Variants in CRB1 observed in about 807,000 individuals in gnomAD.
CRB1 encodes protein crumbs homolog 1.
A neutral mutation model predicts 120.0 loss-of-function variants in CRB1; 83 were observed. The observed-to-expected ratio is 0.69, with a 90% confidence interval of 0.58 to 0.83. The LOEUF (loss-of-function observed/expected upper bound fraction) is 0.83. Ranked by LOEUF, CRB1 falls within the 40% of genes least tolerant of loss-of-function variation. CRB1 has a pLI of 0.00. For synonymous variants in CRB1, 625 were observed against 612.5 expected (o/e 1.02, Z -0.30); for missense variants, 1,699 against 1,687.6 (o/e 1.01, Z -0.12).
intron 1 of CRB1, among the ~76,000 whole-genome samples, chr1:197,322,417 C>A (rs1428890703): frequency 6.6e-6 from 1 of 151,546 alleles, no homozygotes; most frequent in African/African-American, 2.4e-5. Context: ...GAGCCAAGAT[C>A]GCACCACTGC....
intron 3 of CRB1, among the ~76,000 whole-genome samples, chr1:197,345,255 A>G (rs1187268763): frequency 6.6e-6 from 1 of 152,174 alleles, no homozygotes; most frequent in African/African-American, 2.4e-5. Flanking sequence ...TGATTCTTCG[A>G]CAGCTCAGTG....
At chr1:197,202,969 G>GTGTGTGTGTGTGTC in the CRB1 span, among the ~76,000 whole-genome samples, 9 of 146,332 alleles carry the variant, frequency 6.2e-5, no homozygotes, top group African/African-American at 2.2e-4. Context: ...TGTGGTGTGT[G>GTGTGTGTGTGTGTC]TGTGTGTGTG....
chr1:197,416,909 C>T (rs186252316), intron 5 of CRB1, among the ~76,000 whole-genome samples: 20 of 152,204 alleles, frequency 1.3e-4, no homozygotes, highest in Non-Finnish European at 1.8e-4. Context: ...AGGGTTTCAC[C>T]ATATTGGTCA....
chr1:197,390,147 T>C (rs1475040269), intron 5 of CRB1, among the ~76,000 whole-genome samples: 1 of 115,600 alleles, frequency 8.7e-6, no homozygotes, highest in Non-Finnish European at 1.6e-5. Flanking sequence ...GAAAGAAGTA[T>C]AGGAAGAAGA....
intron 4 of CRB1, among the ~76,000 whole-genome samples, chr1:197,354,817 GCCCCCCCACCCCCCCCCCCCGCCCACCC>G (rs1660357311): frequency 5.1e-5 from 1 of 19,464 alleles, no homozygotes; most frequent in Non-Finnish European, 8.7e-5. Context: ...TCTGCCCCCC[GCCCCCCCACCCCCCCCCCCCGCCCACCC>G]CCCCCCCCCC....
chr1:197,239,030 A>G, the CRB1 span, among the ~76,000 whole-genome samples: 1 of 145,858 alleles, frequency 6.9e-6, no homozygotes, highest in African/African-American at 2.5e-5. Context: ...TGCATCTCTT[A>G]CTTACTCTTC....
chr1:197,249,514 T>C, the CRB1 span, among the ~76,000 whole-genome samples: 1 of 151,936 alleles, frequency 6.6e-6, no homozygotes, highest in Non-Finnish European at 1.5e-5. Flanking sequence ...GAATGATAAT[T>C]CATAATATGA....
At chr1:197,408,094 A>G (rs1353384285) in intron 5 of CRB1, among the ~76,000 whole-genome samples, 2 of 152,180 alleles carry the variant, frequency 1.3e-5, no homozygotes, top group Admixed American at 6.5e-5. Context: ...AAGAGTTACC[A>G]TGCAGTTGAG....
intron 1 of CRB1, among the ~76,000 whole-genome samples, chr1:197,277,786 G>C (rs1396761834): frequency 1.3e-5 from 2 of 151,710 alleles, no homozygotes; most frequent in East Asian, 3.9e-4. Flanking sequence ...AAACTTTCTA[G>C]GTCTCCAATT....
At chr1:197,413,054 C>T (rs1475145229) in intron 5 of CRB1, among the ~76,000 whole-genome samples, 1 of 152,094 alleles carries the variant, frequency 6.6e-6, no homozygotes, top group East Asian at 1.9e-4. Flanking sequence ...AAGGTCTCAA[C>T]CTAAAGGAAT....
At chr1:197,404,809 G>C (rs2125439586) in intron 5 of CRB1, among the ~76,000 whole-genome samples, 1 of 152,256 alleles carries the variant, frequency 6.6e-6, no homozygotes, top group South Asian at 2.1e-4. Context: ...AGATATAACT[G>C]TAACTAATTT....
At chr1:197,359,811 T>C (rs957088255) in intron 5 of CRB1, among the ~76,000 whole-genome samples, 67 of 152,366 alleles carry the variant, frequency 4.4e-4, no homozygotes, top group Non-Finnish European at 3.1e-4. Context: ...TGCAGTGATA[T>C]ATCACTGTGG....
intron 2 of CRB1, among the ~76,000 whole-genome samples, chr1:197,329,535 T>C (rs1658730981): frequency 6.6e-6 from 1 of 152,238 alleles, no homozygotes; most frequent in Non-Finnish European, 1.5e-5. Flanking sequence ...CAAACAATTG[T>C]ACCTCATATT....
upstream of CRB1, among the ~76,000 whole-genome samples, chr1:197,266,481 A>C (rs1654636559): frequency 6.6e-6 from 1 of 152,132 alleles, no homozygotes; most frequent in African/African-American, 2.4e-5. Flanking sequence ...CAACATGTGA[A>C]TTTGGGAAGG....
At chr1:197,313,077 T>G (rs1657636584) in intron 1 of CRB1, among the ~76,000 whole-genome samples, 1 of 152,292 alleles carries the variant, frequency 6.6e-6, no homozygotes, top group African/African-American at 2.4e-5. Flanking sequence ...TCAGGAAACC[T>G]ACAATCATGG....
At position 197,374,596 on chromosome 1, in the gene CRB1, G is replaced by T. The variant is rs570238294; in HGVS notation, c.1171+17583G>T. On this transcript the variant is annotated intron_variant, in intron 5 of 11. Coordinates refer to ENST00000367400, the MANE Select transcript of CRB1 (RefSeq NM_201253.3). ...GATGTTGTGGAATAGGGAGGGGGAG[G>T]AATCAGGGGTCATAGAGGGAGAGAG... Among the ~76,000 whole-genome samples the T allele has an allele frequency of 3.3e-5, 5 of 152,230 alleles. No homozygotes were observed. In the South Asian group the frequency reaches 8.3e-4, roughly 25 times the overall value.
At chr1:197,450,098 T>C (rs184142708) in intron 11 of CRB1, among the ~76,000 whole-genome samples, 1 of 152,132 alleles carries the variant, frequency 6.6e-6, no homozygotes, top group South Asian at 2.1e-4. Flanking sequence ...GATGCATACT[T>C]TTGGTTATTA....
At chr1:197,363,027 A>G (rs2786117) in intron 5 of CRB1, among the ~76,000 whole-genome samples, 116,010 of 151,858 alleles carry the variant, frequency 0.76, 44,469 homozygotes, top group South Asian at 0.84. Context: ...TAAATATATT[A>G]CTCTGTGTAA....
intron 1 of CRB1, among the ~76,000 whole-genome samples, chr1:197,300,817 C>T (rs1656820180): frequency 6.6e-6 from 1 of 152,152 alleles, no homozygotes; most frequent in South Asian, 2.1e-4. Context: ...CAGGCTGACT[C>T]TCTTGTTAGG....
Sources: gnomAD v4.1 joint callset for allele counts (sites outside exome capture counted in the v4.1 genomes callset) on GRCh38, gnomAD v4.1.1 for gene constraint, MANE v1.5 for transcripts, NCBI Gene and HGNC (gene_info 2026-07-23, HGNC 2026-07-21) for gene names.